RALGAPA2: variants seen among roughly 807,000 people sequenced by gnomAD.
RALGAPA2 encodes the protein ral GTPase-activating protein subunit alpha-2.
A neutral mutation model predicts 230.4 loss-of-function variants in RALGAPA2; 139 were observed. That is an observed-to-expected ratio of 0.60 (90% CI 0.53 to 0.69). The LOEUF (loss-of-function observed/expected upper bound fraction) is 0.69. Ranked by LOEUF, RALGAPA2 falls within the 30% of genes least tolerant of loss-of-function variation. RALGAPA2 has a pLI of 0.00. For missense variants in RALGAPA2, 2,163 were observed against 2,276.0 expected (o/e 0.95, Z 1.01); for synonymous variants, 847 against 837.8 (o/e 1.01, Z -0.19).
At chr20:20,657,535 C>T (rs1312275094) in intron 3 of RALGAPA2, among the ~76,000 whole-genome samples, 2 of 152,128 alleles carry the variant, frequency 1.3e-5, no homozygotes, top group African/African-American at 4.8e-5. Context: ...TTCTAAGAGA[C>T]GGGCCCCCTA....
chr20:20,515,999 T>A (rs1431085894), intron 31 of RALGAPA2, among the ~76,000 whole-genome samples: 2 of 152,134 alleles, frequency 1.3e-5, no homozygotes, highest in Non-Finnish European at 1.5e-5. Context: ...GTGCTGCTAG[T>A]AGAACACTGA....
intron 35 of RALGAPA2, among the ~76,000 whole-genome samples, chr20:20,500,232 C>T (rs1345047994): frequency 6.6e-6 from 1 of 152,094 alleles, no homozygotes; most frequent in Non-Finnish European, 1.5e-5. Flanking sequence ...GAAATTGCCA[C>T]ATTGATTGAC....
intron 16 of RALGAPA2, among the ~76,000 whole-genome samples, chr20:20,601,225 C>T (rs986517517): frequency 1.3e-5 from 2 of 152,174 alleles, no homozygotes; most frequent in African/African-American, 4.8e-5. Flanking sequence ...GCAAAGATAA[C>T]ATCCACAGGC....
At position 20,629,352 on chromosome 20, in the gene RALGAPA2, CACACACT is replaced by C; in HGVS notation, c.1233+4_1233+10del. The C allele has an allele frequency of 6.5e-7, 1 of 1,535,994 alleles. No homozygotes were observed. The highest frequency in any genetic ancestry group is 1.4e-5 in the African/African-American group (1 of 71,122). ...ACACACACACACACACACACACACACACACACTAACCTGGTGAAATACTTCATTCACG... is the reference window on the plus strand; with the variant it reads ...ACACACACACACACACACACACACACAACCTGGTGAAATACTTCATTCACG... On this transcript the variant is annotated splice_donor_5th_base_variant and intron_variant, in intron 10 of 39. Coordinates refer to ENST00000202677, the MANE Select transcript of RALGAPA2 (RefSeq NM_020343.4).
Position 20,584,760 on chromosome 20 carries a change from G to T in RALGAPA2, c.2530+105C>A, listed in dbSNP as rs774338483. On this transcript the variant is annotated intron_variant, in intron 19 of 39. Coordinates refer to ENST00000202677, the MANE Select transcript of RALGAPA2 (RefSeq NM_020343.4). ...TGTGCCAGAGCACTCCAGCCTGGGCGAAAGAGTGAGACTGAGTCTCTAATA... is the reference window on the plus strand; with the variant it reads ...TGTGCCAGAGCACTCCAGCCTGGGCTAAAGAGTGAGACTGAGTCTCTAATA... 18 of 914,682 alleles carry T rather than the reference G, an allele frequency of 2.0e-5. No homozygotes were observed. The African/African-American group carries it at 2.9e-4, about 15-fold the overall frequency. The allele number at this position is 914,682 out of a possible 1,614,324, so 56.7% of individuals were successfully genotyped here. A position where few individuals can be genotyped will look rare whatever the true frequency, so the allele number is the denominator to read the frequency against.
chr20:20,584,415 G>A (rs768401378), intron 19 of RALGAPA2, among the ~76,000 whole-genome samples: 1 of 152,144 alleles, frequency 6.6e-6, no homozygotes, highest in Non-Finnish European at 1.5e-5. Context: ...CTCAAGGTAC[G>A]GGTGAGTAGA....
In RALGAPA2 at chr20:20,520,934, A is replaced by G; in HGVS notation, c.4067T>C (p.Leu1356Pro). The part of the protein sequence containing the change: ...QYHSSAELGN[L>P]LTVEEEKKRR... Reference sequence around the variant, plus strand: ...ATACTCACCCTCTTCAACAGTCAGCAGGTTACCCAATTCTGCTGATGAATG... The same window carrying G: ...ATACTCACCCTCTTCAACAGTCAGCGGGTTACCCAATTCTGCTGATGAATG... Residue 1356 changes from leucine to proline, a missense_variant, in exon 31 of 40, where the codon CTG (leucine) becomes CCG (proline). Leu to Pro is a moderately conservative substitution (Grantham distance 98). Transcript: ENST00000202677. 6.2e-7 allele frequency: 1 copy of G among 1,610,392 alleles called. No individual in the cohort carries two copies. Among genetic ancestry groups the G allele is most frequent in the Non-Finnish European group, 8.5e-7 (1 of 1,177,204 alleles).
chr20:20,576,359 AG>A (rs2064819593), intron 20 of RALGAPA2, among the ~76,000 whole-genome samples: 3 of 152,224 alleles, frequency 2.0e-5, no homozygotes, highest in Middle Eastern at 3.4e-3. Flanking sequence ...ATGTCTCCAT[AG>A]CCTCCTTTTG....
chr20:20,698,578 A>G (rs2069218144), intron 1 of RALGAPA2, among the ~76,000 whole-genome samples: 1 of 151,900 alleles, frequency 6.6e-6, no homozygotes, highest in Non-Finnish European at 1.5e-5. Context: ...TTAGTAGAGT[A>G]TTTTGTATTT....
Position 20,639,787 on chromosome 20 carries a change from G to C in RALGAPA2, c.664C>G (p.Gln222Glu). Residue 222 changes from glutamine (Q) to glutamate (E), a missense_variant and splice_region_variant, in exon 7 of 40, where the codon CAG becomes GAG. Gln to Glu is a conservative substitution (Grantham distance 29). Coordinates refer to ENST00000202677, the MANE Select transcript of RALGAPA2 (RefSeq NM_020343.4). ...LQILLKYMVI[Q>E]AASLEWKNKE... ...AATAGTCATAATTTTTCTCTGACCT[G>C]AATAACCATATACTTCAACAGTATT... is the stretch of plus-strand genomic sequence containing the variant. The C allele has an allele frequency of 6.3e-7, 1 of 1,598,902 alleles. No individual in the cohort carries two copies. Among genetic ancestry groups the C allele is most frequent in the Non-Finnish European group, 8.6e-7 (1 of 1,166,388 alleles).
At chr20:20,511,151 C>G in intron 33 of RALGAPA2, 103 bp downstream of exon 33, 8 of 1,506,372 alleles carry the variant, frequency 5.3e-6, no homozygotes, top group Non-Finnish European at 7.1e-6. Context: ...CAGAACTACC[C>G]TTGGATGTCT....
intron 38 of RALGAPA2, among the ~76,000 whole-genome samples, chr20:20,401,056 C>T (rs1295681889): frequency 6.6e-6 from 1 of 152,072 alleles, no homozygotes; most frequent in Non-Finnish European, 1.5e-5. Flanking sequence ...TGCCTATCAG[C>T]AGGCTGTTTA....
chr20:20,657,239 C>G (rs545858876), intron 3 of RALGAPA2, among the ~76,000 whole-genome samples: 2 of 152,154 alleles, frequency 1.3e-5, no homozygotes, highest in Admixed American at 6.5e-5. Context: ...GCCAGCCTAG[C>G]GGAAGCTCCA....
intron 36 of RALGAPA2, among the ~76,000 whole-genome samples, chr20:20,479,984 T>C (rs2061735175): frequency 6.6e-6 from 1 of 152,144 alleles, no homozygotes; most frequent in South Asian, 2.1e-4. Flanking sequence ...AACAAATGGT[T>C]AGAAAAGGAA....
intron 27 of RALGAPA2, among the ~76,000 whole-genome samples, chr20:20,530,883 A>C (rs1333949512): frequency 6.6e-6 from 1 of 152,178 alleles, no homozygotes; most frequent in African/African-American, 2.4e-5. Flanking sequence ...CCTGGCAGAG[A>C]CCAGGCACTC....
At chr20:20,439,611 G>T (rs551253346) in intron 37 of RALGAPA2, among the ~76,000 whole-genome samples, 3 of 152,304 alleles carry the variant, frequency 2.0e-5, no homozygotes, top group Admixed American at 6.5e-5. Flanking sequence ...TACCGATCCT[G>T]GGGGAGTGGG....
intron 20 of RALGAPA2, among the ~76,000 whole-genome samples, chr20:20,577,356 T>TA (rs1483586998): frequency 6.6e-6 from 1 of 151,938 alleles, no homozygotes; most frequent in Non-Finnish European, 1.5e-5. Context: ...AAGACACACA[T>TA]AAAAAAAGAT....
chr20:20,558,473 G>C (rs2064155687), intron 23 of RALGAPA2, among the ~76,000 whole-genome samples: 1 of 152,136 alleles, frequency 6.6e-6, no homozygotes, highest in Admixed American at 6.5e-5. Context: ...TGCTTCCAAA[G>C]ATAAACACGT....
intron 14 of RALGAPA2, among the ~76,000 whole-genome samples, 189 bp from the exon 15 acceptor site, chr20:20,605,601 G>A (rs937011481): frequency 3.3e-5 from 5 of 152,126 alleles, no homozygotes; most frequent in Non-Finnish European, 7.3e-5. Flanking sequence ...CTATTGGGGA[G>A]TTAGTTATCA....
Sources: gnomAD v4.1 joint callset for allele counts (sites outside exome capture counted in the v4.1 genomes callset) on GRCh38, gnomAD v4.1.1 for gene constraint, MANE v1.5 for transcripts, NCBI Gene and HGNC (gene_info 2026-07-23, HGNC 2026-07-21) for gene names.